Variants in DNAH14 observed in about 807,000 individuals in gnomAD.
The protein encoded by DNAH14 is dynein axonemal heavy chain 14.
DNAH14 carries 478 observed loss-of-function variants against 520.9 expected under a neutral mutation model. The observed-to-expected ratio is 0.92, with a 90% CI of 0.85 to 0.99. DNAH14 has a LOEUF of 0.99. Ranked by LOEUF, DNAH14 falls within the 50% of genes least tolerant of loss-of-function variation. DNAH14 has a pLI of 0.00. For missense variants in DNAH14, 4,831 were observed against 5,234.5 expected, an observed-to-expected ratio of 0.92 and a Z score of 2.38; for synonymous variants, 1,581 against 1,757.2, an observed-to-expected ratio of 0.90 and a Z score of 2.51.
intron 1 of DNAH14, among the ~76,000 whole-genome samples, chr1:224,950,839 G>A (rs1366556627): frequency 6.6e-6 from 1 of 151,800 alleles, no homozygotes; most frequent in Non-Finnish European, 1.5e-5. Flanking sequence ...TTCCCCAAAA[G>A]AACACTATTT....
intron 45 of DNAH14, among the ~76,000 whole-genome samples, chr1:225,258,624 C>G (rs1185067390): frequency 6.6e-6 from 1 of 152,170 alleles, no homozygotes; most frequent in Non-Finnish European, 1.5e-5. Flanking sequence ...ATCATTTTCC[C>G]AGTTCCATAT....
intron 2 of DNAH14, chr1:224,954,335 T>C (rs2060369283): frequency 2.0e-5 from 3 of 152,142 alleles, no homozygotes. Flanking sequence ...AATATACCAA[T>C]AAAGTGCTTT....
chr1:225,124,592 T>G (rs1430720998), intron 27 of DNAH14, among the ~76,000 whole-genome samples: 1 of 152,218 alleles, frequency 6.6e-6, no homozygotes, highest in East Asian at 1.9e-4. Flanking sequence ...TTCCGTCACA[T>G]CTTCAGGCTC....
chr1:225,124,868 T>C (rs2077577046), intron 27 of DNAH14, among the ~76,000 whole-genome samples: 1 of 152,194 alleles, frequency 6.6e-6, no homozygotes, highest in East Asian at 1.9e-4. Context: ...TTATGAAATG[T>C]ATTTCTTAAA....
At chr1:225,053,233 A>G (rs954638812) in intron 17 of DNAH14, among the ~76,000 whole-genome samples, 17 of 152,042 alleles carry the variant, frequency 1.1e-4, no homozygotes, top group Non-Finnish European at 2.2e-4. Context: ...TGGGGTAGGC[A>G]TCAAGCAGAA....
At chr1:225,285,115 G>T (rs2093708509) in intron 54 of DNAH14, among the ~76,000 whole-genome samples, 1 of 152,166 alleles carries the variant, frequency 6.6e-6, no homozygotes, top group African/African-American at 2.4e-5. Context: ...CACTATACTA[G>T]AAGTTCTAGC....
intron 77 of DNAH14, among the ~76,000 whole-genome samples, chr1:225,374,233 A>AT (rs574857965): frequency 0.046 from 1,198 of 25,768 alleles, 54 homozygotes; most frequent in African/African-American, 0.091. Flanking sequence ...AAATATATAT[A>AT]ATATATATAT....
intron 64 of DNAH14, among the ~76,000 whole-genome samples, chr1:225,328,146 G>A (rs375476536): frequency 6.6e-6 from 1 of 152,290 alleles, no homozygotes; most frequent in African/African-American, 2.4e-5. Flanking sequence ...TTCTCTCTGA[G>A]ATACATTATA....
At chr1:225,205,101 C>A (rs976888591) in intron 39 of DNAH14, among the ~76,000 whole-genome samples, 1 of 152,254 alleles carries the variant, frequency 6.6e-6, no homozygotes, top group Non-Finnish European at 1.5e-5. Flanking sequence ...CCTCCCCTAT[C>A]CTGACCAATG....
At chr1:225,086,305 T>G (rs550602613) in intron 21 of DNAH14, among the ~76,000 whole-genome samples, 17 of 60,246 alleles carry the variant, frequency 2.8e-4, no homozygotes, top group Admixed American at 2.5e-3. Flanking sequence ...GCTAATTGTT[T>G]GTATTTTTTT....
chr1:225,106,575 G>T lies in DNAH14; in HGVS notation c.3867+5691G>T, dbSNP rs561949947. Among the ~76,000 whole-genome samples the T allele has an allele frequency of 1.1e-4, 17 of 152,086 alleles. No individual in the cohort carries two copies. In the South Asian group the frequency reaches 3.5e-3, roughly 32 times the overall value. On this transcript the variant is annotated intron_variant, in intron 23 of 85. Transcript: ENST00000682510. ...TCCCATATTTCTTGGAGGCTTTGTC[G>T]TTTCTTTTTATTCTTTTTTCTCTAA...
chr1:225,004,430 C>A (rs80075364), intron 9 of DNAH14, among the ~76,000 whole-genome samples: 34 of 152,236 alleles, frequency 2.2e-4, no homozygotes, highest in African/African-American at 4.8e-4. Flanking sequence ...TTGAGCTAGG[C>A]TGTGCTGGAT....
At chr1:225,269,664 G>A (rs1458793731) in intron 49 of DNAH14, among the ~76,000 whole-genome samples, 1 of 152,140 alleles carries the variant, frequency 6.6e-6, no homozygotes, top group African/African-American at 2.4e-5. Context: ...CAAAAAGTGG[G>A]CAAAGGATAT....
intron 8 of DNAH14, among the ~76,000 whole-genome samples, chr1:224,985,727 G>T (rs1054324057): frequency 9.2e-5 from 14 of 151,824 alleles, no homozygotes; most frequent in Admixed American, 7.9e-4. Context: ...TAATCAAAAA[G>T]AAGCAGAAAT....
chr1:225,178,107 C>T (rs2083528435), intron 36 of DNAH14, among the ~76,000 whole-genome samples: 1 of 152,142 alleles, frequency 6.6e-6, no homozygotes, highest in Non-Finnish European at 1.5e-5. Context: ...CAAAGGAGAT[C>T]ATTTTGGAGC....
intron 11 of DNAH14, chr1:225,024,707 C>T (rs2065960044): frequency 6.6e-6 from 1 of 152,048 alleles, no homozygotes; most frequent in Non-Finnish European, 1.5e-5. Flanking sequence ...TGAGTCAGTG[C>T]CAGGATTCTA....
chr1:224,977,733 A>T (rs2061967910), intron 8 of DNAH14, among the ~76,000 whole-genome samples: 1 of 152,234 alleles, frequency 6.6e-6, no homozygotes, highest in South Asian at 2.1e-4. Context: ...GGGTGAAGAG[A>T]CAGCCTGCAG....
chr1:225,252,411 CA>C lies in DNAH14; in HGVS notation c.6862del (p.Arg2288GlufsTer6). On this transcript the variant is annotated frameshift_variant, in exon 44 of 86. Coordinates refer to ENST00000682510, the MANE Select transcript of DNAH14 (RefSeq NM_001367479.1). LOFTEE classifies it high-confidence loss of function. ...DLVPNDQTLI[Q>X]RGTSLLTNLQ... is the part of the protein sequence containing the mutation. ...AGTTCCTAATGATCAGACACTAATT[CA>C]AAGAGGTAAGAATAATTATAAGAAT... 1 of 1,477,070 alleles carries C rather than the reference CA, an allele frequency of 6.8e-7. No individual in the cohort carries two copies. Among genetic ancestry groups the C allele is most frequent in the Middle Eastern group, 1.9e-4 (1 of 5,326 alleles). The allele number at this position is 1,477,070 out of a possible 1,614,324, so 91.5% of individuals were successfully genotyped here.
At chr1:225,167,039 C>T (rs1413131511) in intron 35 of DNAH14, among the ~76,000 whole-genome samples, 1 of 152,158 alleles carries the variant, frequency 6.6e-6, no homozygotes, top group Non-Finnish European at 1.5e-5. Flanking sequence ...GGTATCTAGG[C>T]TTATGTTATT....
Sources: allele counts gnomAD v4.1 joint callset (sites outside exome capture counted in the v4.1 genomes callset), GRCh38; gene constraint gnomAD v4.1.1; transcripts MANE v1.5; gene names NCBI Gene and HGNC (gene_info 2026-07-23, HGNC 2026-07-21).